Variants in TRABD2B observed in about 807,000 individuals in gnomAD.
TRABD2B encodes metalloprotease TIKI2.
A neutral mutation model predicts 40.1 loss-of-function variants in TRABD2B; 14 were observed. The observed-to-expected ratio is 0.35, with a 90% CI of 0.23 to 0.55. TRABD2B has a LOEUF of 0.55. TRABD2B is among the 20% of genes least tolerant of loss of function. TRABD2B has a pLI of 0.90. For missense variants in TRABD2B, 541 were observed against 648.6 expected (o/e 0.83, Z 1.80); for synonymous variants, 263 against 277.0 (o/e 0.95, Z 0.50).
At chr1:47,785,713 C>A (rs1644586536) in intron 4 of TRABD2B, among the ~76,000 whole-genome samples, 1 of 152,202 alleles carries the variant, frequency 6.6e-6, no homozygotes. Flanking sequence ...CAGGACAGAG[C>A]CTGTGATGGG....
At chr1:47,979,666 A>T (rs903400069) in intron 2 of TRABD2B, among the ~76,000 whole-genome samples, 1 of 152,192 alleles carries the variant, frequency 6.6e-6, no homozygotes, top group Admixed American at 6.5e-5. Context: ...AACAGGTGGA[A>T]TCCCACAAAT....
chr1:47,857,000 G>A (rs1643898951), intron 2 of TRABD2B, among the ~76,000 whole-genome samples: 1 of 152,204 alleles, frequency 6.6e-6, no homozygotes, highest in Non-Finnish European at 1.5e-5. Context: ...GAGGTTTTTT[G>A]ACAGTTTCAG....
At chr1:47,902,678 G>A (rs1023426017) in intron 2 of TRABD2B, among the ~76,000 whole-genome samples, 5 of 145,054 alleles carry the variant, frequency 3.4e-5, no homozygotes, top group Admixed American at 7.9e-5. Context: ...TTATAGAGTC[G>A]GGGTCTTACC....
chr1:47,810,882 C>T lies in TRABD2B; in HGVS notation c.667-9263G>A, dbSNP rs550888091. 5.3e-5 allele frequency among the ~76,000 whole-genome samples: 8 copies of T among 152,254 alleles called. No individual in the cohort carries two copies. The South Asian group carries it at 8.3e-4, about 16-fold the overall frequency. On this transcript the variant is annotated intron_variant, in intron 2 of 6. Coordinates refer to ENST00000606738, the MANE Select transcript of TRABD2B (RefSeq NM_001194986.2). ...GCCAGGGAAGGAGGAGAAGGGTGGGCGGAGGTAAGAAATATTCAACTCCCT... is the reference window on the plus strand; with the variant it reads ...GCCAGGGAAGGAGGAGAAGGGTGGGTGGAGGTAAGAAATATTCAACTCCCT...
At chr1:47,989,621 T>A (rs1477662518) in intron 2 of TRABD2B, among the ~76,000 whole-genome samples, 2 of 152,158 alleles carry the variant, frequency 1.3e-5, no homozygotes, top group Non-Finnish European at 2.9e-5. Context: ...GCCCAGAATG[T>A]CTTTGAGAAC....
intron 6 of TRABD2B, among the ~76,000 whole-genome samples, chr1:47,769,682 G>A (rs1262870475): frequency 6.6e-6 from 1 of 152,254 alleles, no homozygotes; most frequent in East Asian, 1.9e-4. Context: ...AACACTGCAA[G>A]TGTTCCCAGG....
chr1:47,868,432 T>C (rs1644091041), intron 2 of TRABD2B, among the ~76,000 whole-genome samples: 1 of 152,180 alleles, frequency 6.6e-6, no homozygotes, highest in African/African-American at 2.4e-5. Flanking sequence ...TCCTGGGTCA[T>C]GGACTGGTAC....
At position 47,764,277 on chromosome 1, in the gene TRABD2B, G is replaced by A. The variant is rs1644275353; in HGVS notation, c.*1625C>T. On this transcript the variant is annotated 3_prime_UTR_variant, in exon 7 of 7. Coordinates refer to ENST00000606738, the MANE Select transcript of TRABD2B (RefSeq NM_001194986.2). ...CTTGGAGAAGTGTCTCCTCTCTGTG[G>A]GCCTTATTATTCCTCCTACTGTTAC... The A allele has an allele frequency of 6.6e-6, 1 of 152,232 alleles. No homozygotes were observed. The highest frequency in any genetic ancestry group is 1.5e-5 in the Non-Finnish European group (1 of 68,050). 9.4% of individuals were successfully genotyped at this position (152,232 alleles called of 1,614,324 possible).
chr1:47,900,245 C>A (rs915853299), intron 2 of TRABD2B, among the ~76,000 whole-genome samples: 1 of 152,094 alleles, frequency 6.6e-6, no homozygotes, highest in Non-Finnish European at 1.5e-5. Flanking sequence ...GAGGCAGGAC[C>A]TGGCCAGCCC....
chr1:47,815,269 C>A (rs1645015737), intron 2 of TRABD2B, among the ~76,000 whole-genome samples: 1 of 152,210 alleles, frequency 6.6e-6, no homozygotes, highest in Admixed American at 6.5e-5. Context: ...GCTTACACTG[C>A]AGATGGGAAA....
intron 2 of TRABD2B, among the ~76,000 whole-genome samples, chr1:47,850,390 C>T (rs1473007325): frequency 1.3e-5 from 2 of 152,204 alleles, no homozygotes; most frequent in Admixed American, 1.3e-4. Context: ...GAGGAAAGGC[C>T]CCTAACACCA....
chr1:47,879,817 T>C (rs545465653), intron 2 of TRABD2B, among the ~76,000 whole-genome samples: 3 of 152,298 alleles, frequency 2.0e-5, no homozygotes, highest in South Asian at 2.1e-4. Context: ...AGAGTCCAAA[T>C]GGTTGATGCA....
At chr1:47,995,913 C>G (rs1422921986) in intron 1 of TRABD2B, among the ~76,000 whole-genome samples, 1 of 152,208 alleles carries the variant, frequency 6.6e-6, no homozygotes, top group Admixed American at 6.5e-5. Context: ...ACACCTACAG[C>G]AGCCAGACCC....
intron 2 of TRABD2B, among the ~76,000 whole-genome samples, chr1:47,852,753 G>A (rs138766162): frequency 9.9e-5 from 15 of 152,092 alleles, no homozygotes; most frequent in African/African-American, 3.1e-4. Context: ...GGTGGGTGGT[G>A]GTGGTGCTGC....
intron 2 of TRABD2B, among the ~76,000 whole-genome samples, chr1:47,865,608 G>A (rs1265673092): frequency 6.6e-6 from 1 of 152,154 alleles, no homozygotes; most frequent in African/African-American, 2.4e-5. Context: ...CAAAAGAAAA[G>A]TTAAGGCACT....
chr1:47,873,533 C>T (rs1644175349), intron 2 of TRABD2B, among the ~76,000 whole-genome samples: 1 of 152,162 alleles, frequency 6.6e-6, no homozygotes, highest in Non-Finnish European at 1.5e-5. Context: ...GTGTGCTACA[C>T]AGAGCAAGCT....
At chr1:47,933,255 G>A (rs558390352) in intron 2 of TRABD2B, among the ~76,000 whole-genome samples, 2 of 151,734 alleles carry the variant, frequency 1.3e-5, no homozygotes, top group African/African-American at 2.4e-5. Context: ...ATAGGCACCC[G>A]CCACCACGCC....
intron 2 of TRABD2B, among the ~76,000 whole-genome samples, chr1:47,879,931 C>T (rs759442482): frequency 1.6e-4 from 24 of 152,340 alleles, no homozygotes; most frequent in Admixed American, 5.2e-4. Context: ...CCATTTTAGT[C>T]ATCTGTGTTG....
chr1:47,917,590 G>A (rs1478041333), intron 2 of TRABD2B, among the ~76,000 whole-genome samples: 1 of 152,064 alleles, frequency 6.6e-6, no homozygotes, highest in Non-Finnish European at 1.5e-5. Flanking sequence ...AGCCAAGCAT[G>A]GTGGCATGTG....
Sources: gnomAD v4.1 joint callset for allele counts (sites outside exome capture counted in the v4.1 genomes callset) on GRCh38, gnomAD v4.1.1 for gene constraint, MANE v1.5 for transcripts, NCBI Gene and HGNC (gene_info 2026-07-23, HGNC 2026-07-21) for gene names.